WDR27: variants seen among roughly 807,000 people sequenced by gnomAD.
The protein encoded by WDR27 is WD repeat domain 27, also known as WD repeat-containing protein 27.
In WDR27, 100 loss-of-function variants were observed where a neutral mutation model predicts 114.4. The observed-to-expected ratio is 0.87, with a 90% confidence interval of 0.74 to 1.03. WDR27 has a LOEUF of 1.03. WDR27 is among the 50% of genes least tolerant of loss of function. WDR27 has a pLI of 0.00. For synonymous variants in WDR27, 449 were observed against 423.1 expected (o/e 1.06, Z -0.75); for missense variants, 1,129 against 1,092.9 (o/e 1.03, Z -0.47).
At chr6:169,524,472 A>T (rs970938429) in intron 25 of WDR27, among the ~76,000 whole-genome samples, 3 of 152,222 alleles carry the variant, frequency 2.0e-5, no homozygotes, top group Non-Finnish European at 2.9e-5. Flanking sequence ...CAAATAGCCA[A>T]TGTAATCCTG....
chr6:169,591,479 C>A (rs1805729252), intron 23 of WDR27, among the ~76,000 whole-genome samples: 1 of 152,126 alleles, frequency 6.6e-6, no homozygotes, highest in Non-Finnish European at 1.5e-5. Context: ...AAAATACAGT[C>A]CGAACAGGAA....
At chr6:169,591,078 A>G (rs371551272) in intron 23 of WDR27, among the ~76,000 whole-genome samples, 11 of 152,200 alleles carry the variant, frequency 7.2e-5, no homozygotes, top group Middle Eastern at 3.4e-3. Context: ...CGCAGTGGCT[A>G]CCTCATTTTG....
intron 25 of WDR27, among the ~76,000 whole-genome samples, chr6:169,504,861 G>A (rs977297364): frequency 6.6e-6 from 1 of 152,062 alleles, no homozygotes; most frequent in African/African-American, 2.4e-5. Flanking sequence ...AGCCTCCCAA[G>A]GTGCTGTGAT....
chr6:169,681,932 A>G (rs1781629828), intron 2 of WDR27, among the ~76,000 whole-genome samples: 1 of 152,032 alleles, frequency 6.6e-6, no homozygotes, highest in African/African-American at 2.4e-5. Flanking sequence ...AGACCTCTCT[A>G]GTCTCCCACC....
intron 21 of WDR27, among the ~76,000 whole-genome samples, chr6:169,625,522 G>A (rs1274441909): frequency 6.6e-6 from 1 of 152,210 alleles, no homozygotes; most frequent in African/African-American, 2.4e-5. Context: ...GCTGGCGGAC[G>A]CTCAGCTCCA....
chr6:169,597,885 C>T (rs1250658757), intron 23 of WDR27, among the ~76,000 whole-genome samples: 2 of 146,000 alleles, frequency 1.4e-5, no homozygotes, highest in East Asian at 2.0e-4. Flanking sequence ...CATACACACA[C>T]ACACACACAC....
At chr6:169,624,218 C>G (rs902412922) in intron 21 of WDR27, among the ~76,000 whole-genome samples, 1 of 143,124 alleles carries the variant, frequency 7.0e-6, no homozygotes, top group South Asian at 2.2e-4. Flanking sequence ...GCAGGTGTTC[C>G]GTGTGCGCAT....
At chr6:169,680,716 A>T (rs374875588) in intron 2 of WDR27, among the ~76,000 whole-genome samples, 1 of 152,252 alleles carries the variant, frequency 6.6e-6, no homozygotes, top group African/African-American at 2.4e-5. Flanking sequence ...AAAACATAAA[A>T]GTTGTGAGAG....
intron 23 of WDR27, among the ~76,000 whole-genome samples, chr6:169,593,815 C>T (rs1009085973): frequency 3.9e-5 from 6 of 152,148 alleles, no homozygotes; most frequent in African/African-American, 1.4e-4. Flanking sequence ...CGGCACTGAA[C>T]TCCAACCTGG....
rs993558201 is a variant in WDR27, at chr6:169,568,286, A to G, written c.2645+4133T>C. ...AGGTTCCATTTGGACAAAGGGTTTC[A>G]AAGTAAAAAAACACTGAAAACCACT... On this transcript the variant is annotated intron_variant, in intron 25 of 25. Transcript: ENST00000448612. 7.0e-4 allele frequency among the ~76,000 whole-genome samples: 107 copies of G among 152,028 alleles called. 1 individual carries two copies. Among genetic ancestry groups the G allele is most frequent in the Non-Finnish European group, 1.3e-4 (9 of 67,966 alleles).
intron 25 of WDR27, among the ~76,000 whole-genome samples, chr6:169,554,520 AGT>A (rs1798608201): frequency 6.6e-6 from 1 of 152,262 alleles, no homozygotes; most frequent in Admixed American, 6.5e-5. Flanking sequence ...AATAGCCTGA[AGT>A]ATAACCAAAT....
At chr6:169,518,695 C>T (rs1793985712) in intron 25 of WDR27, among the ~76,000 whole-genome samples, 2 of 152,208 alleles carry the variant, frequency 1.3e-5, no homozygotes, top group Non-Finnish European at 2.9e-5. Flanking sequence ...ATTGTCTTGG[C>T]TGTCTTTTAG....
At chr6:169,529,213 T>C (rs1184006547) in intron 25 of WDR27, among the ~76,000 whole-genome samples, 1 of 150,050 alleles carries the variant, frequency 6.7e-6, no homozygotes, top group Admixed American at 6.7e-5. Context: ...CATTTCACTA[T>C]GTGCGTGTGC....
rs573820327 is a variant in WDR27, at chr6:169,576,770, A to C, written c.2524-4230T>G. Among the ~76,000 whole-genome samples, 30 of 151,710 alleles carry C rather than the reference A, an allele frequency of 2.0e-4. No individual in the cohort carries two copies. The East Asian group carries it at 2.7e-3, about 14-fold the overall frequency. ...CAAGAGTGAGACCCTTTCTCACAAA[A>C]AAAAAAAAGACAAGAAAAGAAAAAA... is the stretch of plus-strand genomic sequence containing the variant. On this transcript the variant is annotated intron_variant, in intron 24 of 25. Transcript: ENST00000448612.
At chr6:169,583,024 T>G (rs2128141234) in intron 23 of WDR27, 90 bp from the exon 24 acceptor site, 1 of 1,106,616 alleles carries the variant, frequency 9.0e-7, no homozygotes, top group Non-Finnish European at 1.3e-6. Flanking sequence ...ATCTATAGAT[T>G]AGTGTAGTTG....
chr6:169,701,693 G>T lies in WDR27; in HGVS notation c.-150C>A. The T allele has an allele frequency of 5.6e-6, 1 of 177,424 alleles. No individual in the cohort carries two copies. The highest frequency in any genetic ancestry group is 1.2e-5 in the Non-Finnish European group (1 of 82,568). The allele number at this position is 177,424 out of a possible 1,614,324, so 11.0% of individuals were successfully genotyped here. A position where few individuals can be genotyped will look rare whatever the true frequency, so the allele number is the denominator to read the frequency against. ...TAGCACGGCGTCAGGAGGAGGCTTC[G>T]GGTGACGAGACAGCGGGCAACGGCT... On this transcript the variant is annotated 5_prime_UTR_variant, in exon 1 of 26. Coordinates refer to ENST00000448612, the MANE Select transcript of WDR27 (RefSeq NM_182552.5).
intron 25 of WDR27, among the ~76,000 whole-genome samples, chr6:169,529,800 G>T (rs929388947): frequency 6.6e-6 from 1 of 151,786 alleles, no homozygotes; most frequent in Non-Finnish European, 1.5e-5. Context: ...TTTTCCCTTG[G>T]TATTATTTAG....
intron 21 of WDR27, among the ~76,000 whole-genome samples, chr6:169,614,505 T>C (rs1043122510): frequency 1.3e-5 from 2 of 151,930 alleles, no homozygotes; most frequent in Non-Finnish European, 2.9e-5. Context: ...CTGGCCAACA[T>C]GGTGAAATCC....
chr6:169,503,034 T>C (rs1445595843), intron 25 of WDR27, among the ~76,000 whole-genome samples: 1 of 152,182 alleles, frequency 6.6e-6, no homozygotes, highest in Non-Finnish European at 1.5e-5. Flanking sequence ...TCACATTTCA[T>C]GAGACTCTGC....
Sources: allele counts gnomAD v4.1 joint callset (sites outside exome capture counted in the v4.1 genomes callset), GRCh38; gene constraint gnomAD v4.1.1; transcripts MANE v1.5; gene names NCBI Gene and HGNC (gene_info 2026-07-23, HGNC 2026-07-21).